DIAPH2: variants seen among roughly 807,000 people sequenced by gnomAD.
DIAPH2 encodes the protein diaphanous related formin 2.
DIAPH2 carries 35 observed loss-of-function variants against 92.7 expected under a neutral mutation model. That is an observed-to-expected ratio of 0.38 (90% CI 0.29 to 0.50). The LOEUF (loss-of-function observed/expected upper bound fraction) is 0.50, where lower values mean the gene tolerates loss of function less well. DIAPH2 is among the 20% of genes least tolerant of loss of function. DIAPH2 has a pLI of 0.94. For missense variants in DIAPH2, 701 were observed against 819.5 expected (o/e 0.86, Z 1.77); for synonymous variants, 301 against 280.4 (o/e 1.07, Z -0.73).
chrX:96,925,409 A>G (rs2065574204), intron 9 of DIAPH2, among the ~76,000 whole-genome samples: 2 of 110,617 alleles, frequency 1.8e-5, no homozygotes, highest in South Asian at 3.8e-4. Context: ...CTTCCATTCC[A>G]TTAGTCACCA....
intron 1 of DIAPH2, among the ~76,000 whole-genome samples, chrX:96,704,468 A>G (rs1191778010): frequency 3.6e-5 from 4 of 111,893 alleles, no homozygotes; most frequent in Non-Finnish European, 7.5e-5. Flanking sequence ...ACCCAGTCAC[A>G]TCAGAGTACT....
At chrX:96,751,722 C>T (rs1479214843) in intron 3 of DIAPH2, among the ~76,000 whole-genome samples, 3 of 58,940 alleles carry the variant, frequency 5.1e-5, no homozygotes, top group Admixed American at 2.4e-4. Context: ...GGCGGGATCT[C>T]GGCTCACTGC....
intron 20 of DIAPH2, among the ~76,000 whole-genome samples, chrX:97,107,601 A>G (rs1411168195): frequency 1.8e-5 from 2 of 111,286 alleles, no homozygotes; most frequent in African/African-American, 6.5e-5. Context: ...GTCAGTATTG[A>G]CTCAATCTCA....
intron 10 of DIAPH2, among the ~76,000 whole-genome samples, chrX:96,935,398 C>G (rs1176392810): frequency 9.0e-6 from 1 of 111,168 alleles, no homozygotes; most frequent in Non-Finnish European, 1.9e-5. Context: ...TAGTTAATGT[C>G]ATTGATAGGA....
At chrX:97,497,658 T>C (rs191922748) in intron 26 of DIAPH2, among the ~76,000 whole-genome samples, 1 of 110,166 alleles carries the variant, frequency 9.1e-6, no homozygotes, top group Admixed American at 9.8e-5. Flanking sequence ...ATACAAAAAT[T>C]AGCGAGGTAT....
At chrX:97,113,494 C>T (rs2066997007) in intron 20 of DIAPH2, among the ~76,000 whole-genome samples, 1 of 112,160 alleles carries the variant, frequency 8.9e-6, no homozygotes, top group South Asian at 3.7e-4. Context: ...GATATTTCAT[C>T]ATACTTTTGT....
chrX:96,756,244 A>G (rs2064228495), intron 3 of DIAPH2, among the ~76,000 whole-genome samples: 1 of 110,743 alleles, frequency 9.0e-6, no homozygotes, highest in Non-Finnish European at 1.9e-5. Flanking sequence ...ATCACCCCAT[A>G]AAGAAACACC....
At chrX:96,935,507 A>G (rs939026766) in intron 10 of DIAPH2, among the ~76,000 whole-genome samples, 1 of 111,171 alleles carries the variant, frequency 9.0e-6, no homozygotes, top group Non-Finnish European at 1.9e-5. Context: ...TGGTTTTGCT[A>G]TACGTATTTT....
At chrX:96,747,692 T>C (rs1794284554) in intron 3 of DIAPH2, among the ~76,000 whole-genome samples, 1 of 112,149 alleles carries the variant, frequency 8.9e-6, no homozygotes, top group African/African-American at 3.2e-5. Flanking sequence ...CAAGCATCCT[T>C]GTTCTCCACT....
intron 1 of DIAPH2, among the ~76,000 whole-genome samples, chrX:96,702,977 G>T (rs1402605527): frequency 1.8e-5 from 2 of 111,613 alleles, no homozygotes; most frequent in Non-Finnish European, 3.8e-5. Flanking sequence ...ATCACATGGG[G>T]TGGGGGTTCA....
chrX:97,269,408 A>G (rs1009047931), intron 23 of DIAPH2, among the ~76,000 whole-genome samples: 2 of 112,612 alleles, frequency 1.8e-5, no homozygotes, highest in African/African-American at 6.5e-5. Flanking sequence ...AAATTCCTTC[A>G]GAAACACTCT....
intron 12 of DIAPH2, among the ~76,000 whole-genome samples, chrX:96,940,967 C>T (rs2065700319): frequency 9.0e-6 from 1 of 110,808 alleles, no homozygotes. Context: ...TAACCTGGCC[C>T]CAGCTGTGTT....
intron 25 of DIAPH2, among the ~76,000 whole-genome samples, chrX:97,410,598 T>C (rs1036216764): frequency 1.8e-5 from 2 of 111,790 alleles, no homozygotes; most frequent in Non-Finnish European, 3.8e-5. Context: ...AGAAGGTCAG[T>C]AATAACAAAC....
chrX:97,469,643 T>A (rs776747552), intron 26 of DIAPH2: 7 of 1,130,891 alleles, frequency 6.2e-6, no homozygotes, highest in Non-Finnish European at 8.4e-6. Context: ...ATTATGTTTT[T>A]TTATTTATAC....
chrX:97,293,472 C>A (rs1322479463), intron 23 of DIAPH2, among the ~76,000 whole-genome samples: 1 of 110,137 alleles, frequency 9.1e-6, no homozygotes, highest in Non-Finnish European at 1.9e-5. Context: ...AGGATGGTCT[C>A]TGTCTCCTGA....
chrX:96,925,140 C>G (rs1397464177), intron 9 of DIAPH2, among the ~76,000 whole-genome samples: 1 of 110,903 alleles, frequency 9.0e-6, no homozygotes, highest in East Asian at 2.8e-4. Context: ...TATGTGATGT[C>G]TTTATCTGAT....
intron 22 of DIAPH2, among the ~76,000 whole-genome samples, chrX:97,214,553 G>C (rs893537801): frequency 9.0e-6 from 1 of 110,836 alleles, no homozygotes; most frequent in Non-Finnish European, 1.9e-5. Context: ...GGTCCTGGCT[G>C]GGCACGGTGG....
chrX:97,062,911 G>A (rs2066608859), intron 17 of DIAPH2, among the ~76,000 whole-genome samples: 1 of 107,641 alleles, frequency 9.3e-6, no homozygotes, highest in Non-Finnish European at 1.9e-5. Context: ...GCAGGCGCCT[G>A]TAATCCCAGC....
At chrX:96,945,714 G>T (rs188305439) in intron 14 of DIAPH2, 123 bp downstream of exon 14, 185 of 439,819 alleles carry the variant, frequency 4.2e-4, no homozygotes, top group Non-Finnish European at 1.0e-4. Context: ...TATACTTTTG[G>T]GTTCAAACAT....
Sources: allele counts gnomAD v4.1 joint callset (sites outside exome capture counted in the v4.1 genomes callset), GRCh38; gene constraint gnomAD v4.1.1; transcripts MANE v1.5; gene names NCBI Gene and HGNC (gene_info 2026-07-23, HGNC 2026-07-21).